The following TRRAP variants were observed in gnomAD, a reference collection of about 807,000 sequenced individuals.
The protein encoded by TRRAP is transformation/transcription domain-associated protein.
Under a neutral mutation model 438.8 loss-of-function variants are expected in TRRAP, and 41 were observed. The observed-to-expected ratio is 0.09, with a 90% CI of 0.07 to 0.12. The LOEUF is 0.12. Ranked by LOEUF, TRRAP falls within the 10% of genes least tolerant of loss-of-function variation. The probability of loss-of-function intolerance (pLI) is 1.00; values close to 1 mark genes in which losing one functional copy is unlikely to be tolerated. For synonymous variants in TRRAP, 1,994 were observed against 1,962.9 expected (o/e 1.02, Z -0.42); for missense variants, 3,122 against 5,055.1 (o/e 0.62, Z 11.60).
intron 11 of TRRAP, 103 bp downstream of exon 11, chr7:98,900,823 A>G: frequency 2.3e-6 from 2 of 887,640 alleles, no homozygotes; most frequent in South Asian, 3.4e-5. Flanking sequence ...AATATTGGTA[A>G]TCATTACTAA....
chr7:98,917,119 T>C (rs1554409643), intron 19 of TRRAP, among the ~76,000 whole-genome samples: 1 of 152,226 alleles, frequency 6.6e-6, no homozygotes, highest in Non-Finnish European at 1.5e-5. Context: ...AACTGTGGTT[T>C]ACTAAAGTCT....
intron 23 of TRRAP, among the ~76,000 whole-genome samples, chr7:98,929,257 T>TA (rs1366901272): frequency 3.9e-5 from 6 of 152,088 alleles, no homozygotes; most frequent in Admixed American, 6.5e-5. Context: ...AGCTAATTTT[T>TA]AAAAAAATTT....
intron 11 of TRRAP, among the ~76,000 whole-genome samples, chr7:98,902,378 T>C (rs961984770): frequency 6.6e-6 from 1 of 152,232 alleles, no homozygotes; most frequent in Non-Finnish European, 1.5e-5. Flanking sequence ...AGAATTCTTA[T>C]ATGATTGTTC....
At chr7:98,888,810 C>A (rs1236242897) in intron 3 of TRRAP, among the ~76,000 whole-genome samples, 1 of 152,060 alleles carries the variant, frequency 6.6e-6, no homozygotes, top group Non-Finnish European at 1.5e-5. Context: ...GTTGGCATAT[C>A]CCCCCTCATG....
intron 43 of TRRAP, among the ~76,000 whole-genome samples, chr7:98,957,545 C>T (rs1791674915): frequency 6.6e-6 from 1 of 152,180 alleles, no homozygotes; most frequent in South Asian, 2.1e-4. Flanking sequence ...CTGCTGATGG[C>T]TCTTGGCCCC....
chr7:98,901,235 C>T (rs1454109331), intron 11 of TRRAP, among the ~76,000 whole-genome samples: 1 of 152,236 alleles, frequency 6.6e-6, no homozygotes, highest in Admixed American at 6.5e-5. Flanking sequence ...GCCTTGCAGA[C>T]AGCTGCCTTC....
Position 98,942,803 on chromosome 7 carries a change from A to G in TRRAP, c.4405-146A>G, listed in dbSNP as rs561989437. On this transcript the variant is annotated intron_variant, in intron 30 of 72. Transcript: ENST00000456197. ...TGAACAAATGCCAGTTATTCTCATCACTAGTTAGATGGTTGCGCTGTTTTA... is the reference window on the plus strand; with the variant it reads ...TGAACAAATGCCAGTTATTCTCATCGCTAGTTAGATGGTTGCGCTGTTTTA... 1.1e-3 allele frequency: 932 copies of G among 825,452 alleles called. 1 individual carries two copies. The highest frequency in any genetic ancestry group is 1.9e-3 in the Admixed American group (74 of 39,446). 51.1% of individuals were successfully genotyped at this position (825,452 alleles called of 1,614,324 possible). A position where few individuals can be genotyped will look rare whatever the true frequency, so the allele number is the denominator to read the frequency against.
rs782413334 is a variant in TRRAP at position 98,900,612 on chromosome 7, C to T, written c.801-12C>T. 6.2e-7 allele frequency: 1 copy of T among 1,603,668 alleles called. No homozygotes were observed. ...AATTGAGAGGTAATATTTTTGTTCT[C>T]TTCTTATTCAGGCAACATAAGCTTT... On this transcript the variant is annotated splice_polypyrimidine_tract_variant and intron_variant, in intron 10 of 72. Transcript: ENST00000456197.
At position 98,910,466 on chromosome 7, in the gene TRRAP, GT is replaced by G. The variant is rs782194133; in HGVS notation, c.1715-43del. On this transcript the variant is annotated intron_variant, in intron 15 of 72. Coordinates refer to ENST00000456197, the MANE Select transcript of TRRAP (RefSeq NM_001375524.1). ...GTAGACAAACAATAGTTTTCATAAA[GT>G]GAGTTTTATTCAAGTTAACTTAATA... 7 of 1,613,268 alleles carry G rather than the reference GT, an allele frequency of 4.3e-6. No homozygotes were observed. The African/African-American group carries it at 8.0e-5, about 18-fold the overall frequency.
chr7:98,979,030 A>C (rs1330652484), intron 58 of TRRAP, 126 bp downstream of exon 58: 1 of 1,248,702 alleles, frequency 8.0e-7, no homozygotes, highest in Non-Finnish European at 1.1e-6. Flanking sequence ...TGGGAAGGAA[A>C]GGTTCCTTTT....
At chr7:98,922,808 G>T (rs1314771483) in intron 21 of TRRAP, among the ~76,000 whole-genome samples, 1 of 151,402 alleles carries the variant, frequency 6.6e-6, no homozygotes, top group Non-Finnish European at 1.5e-5. Flanking sequence ...AACTGCTCCA[G>T]GCCCTCCCTT....
At chr7:98,940,378 C>T (rs377398746) in intron 30 of TRRAP, among the ~76,000 whole-genome samples, 1 of 150,638 alleles carries the variant, frequency 6.6e-6, no homozygotes, top group South Asian at 2.1e-4. Context: ...TTAGTAGAGA[C>T]GGGGCTTCGT....
rs1472543644 is a variant in TRRAP, at chr7:98,988,811, G to A, written c.9436G>A (p.Asp3146Asn). The change falls in exon 63 of 73, where the codon GAT becomes AAT. Residue 3146 changes from aspartate (D) to asparagine (N), a missense_variant. Around this residue, in one of 24 missense-constraint regions of TRRAP, gnomAD observed 129 missense variants for 279.2 expected, o/e 0.46. Coordinates refer to ENST00000456197, the MANE Select transcript of TRRAP (RefSeq NM_001375524.1). ...CTTCTCTGCAGCTGTGCAGATGCAC[G>A]ATGTGCTGGTGAAAGCCTGGGCCAT... The part of the protein sequence containing the change: ...KAFSAAVQMH[D>N]VLVKAWAMWG... 9 of 1,614,116 alleles carry A rather than the reference G, an allele frequency of 5.6e-6. No homozygotes were observed. Among genetic ancestry groups the A allele is most frequent in the South Asian group, 1.1e-5 (1 of 91,084 alleles).
At chr7:98,972,173 C>T (rs919342615) in intron 53 of TRRAP, among the ~76,000 whole-genome samples, 2 of 152,228 alleles carry the variant, frequency 1.3e-5, no homozygotes, top group African/African-American at 4.8e-5. Flanking sequence ...TCCCAGGTAG[C>T]TGGGACCACA....
chr7:98,966,926 A>T, intron 49 of TRRAP, 115 bp from the exon 50 acceptor site: 1 of 1,091,430 alleles, frequency 9.2e-7, no homozygotes, highest in Non-Finnish European at 1.3e-6. Context: ...TCTTTGCCTT[A>T]CTGTTTAGGA....
At chr7:98,921,086 C>T (rs547876101) in intron 20 of TRRAP, among the ~76,000 whole-genome samples, 206 of 152,342 alleles carry the variant, frequency 1.4e-3, no homozygotes, top group African/African-American at 4.8e-3. Context: ...ATCCGCCCAC[C>T]TCAGCCTCCC....
intron 69 of TRRAP, among the ~76,000 whole-genome samples, chr7:99,006,536 T>C (rs1794170984): frequency 6.6e-6 from 1 of 152,160 alleles, no homozygotes; most frequent in Admixed American, 6.5e-5. Context: ...CCTGGAGTCA[T>C]TTGGGGATTT....
At chr7:98,944,659 T>C (rs2116583542) in intron 31 of TRRAP, among the ~76,000 whole-genome samples, 1 of 152,342 alleles carries the variant, frequency 6.6e-6, no homozygotes, top group Middle Eastern at 3.4e-3. Context: ...CAGGCCACTG[T>C]TCAGCTCTTG....
chr7:99,007,225 G>C (rs1794209348), intron 69 of TRRAP, among the ~76,000 whole-genome samples: 1 of 152,232 alleles, frequency 6.6e-6, no homozygotes, highest in South Asian at 2.1e-4. Flanking sequence ...AGCCGTCCTA[G>C]GTGCTGAAAG....
Sources: gnomAD v4.1 joint callset for allele counts (sites outside exome capture counted in the v4.1 genomes callset) on GRCh38, gnomAD v4.1.1 for gene constraint, gnomAD v4.1.1 regional missense constraint, MANE v1.5 for transcripts, NCBI Gene and HGNC (gene_info 2026-07-23, HGNC 2026-07-21) for gene names.